Variants in TSPOAP1 observed in about 807,000 individuals in gnomAD.
TSPOAP1 encodes TSPO associated protein 1.
In TSPOAP1, 87 loss-of-function variants were observed where a neutral mutation model predicts 197.0. The ratio of observed to expected loss-of-function variants is 0.44; its 90% CI spans 0.37 to 0.53. The LOEUF is 0.53. Ranked by LOEUF, TSPOAP1 falls within the 20% of genes least tolerant of loss-of-function variation. The pLI, the probability that TSPOAP1 is intolerant of heterozygous loss-of-function variation, is 0.00. For missense variants in TSPOAP1, 2,174 were observed against 2,411.3 expected (o/e 0.90, Z 2.06); for synonymous variants, 913 against 998.9 (o/e 0.91, Z 1.62).
chr17:58,306,697 G>A, intron 25 of TSPOAP1, 103 bp downstream of exon 25: 2 of 1,403,536 alleles, frequency 1.4e-6, no homozygotes, highest in African/African-American at 1.4e-5. Context: ...CTCTGCTAGA[G>A]TCTGGGTAAG....
chr17:58,321,410 G>T (rs1282609218), intron 10 of TSPOAP1, among the ~76,000 whole-genome samples: 1 of 151,322 alleles, frequency 6.6e-6, no homozygotes, highest in Non-Finnish European at 1.5e-5. Flanking sequence ...CAATTCTCCT[G>T]CCTCAGCCTC....
In TSPOAP1 at chr17:58,311,616, G is replaced by A. The variant is rs200945461; in HGVS notation, c.3036C>T (p.Asn1012=). The change falls in exon 18 of 32, where the codon AAC becomes AAT. Residue 1012 remains asparagine, a synonymous_variant. Transcript: ENST00000343736. ...TGGCATAGCCTGTGACCCGGACACC[G>A]TTGGATGTGCCAGCAGCATCGATGG... is the stretch of plus-strand genomic sequence containing the variant. ...PVTIDAAGTS[N]GVRVTGYAIY... 4.1e-5 allele frequency: 66 copies of A among 1,609,494 alleles called. No homozygotes were observed. The highest frequency in any genetic ancestry group is 2.8e-4 in the Admixed American group (17 of 59,710).
Position 58,326,153 on chromosome 17 carries a change from C to T in TSPOAP1, c.570+140G>A. 1 of 1,383,252 alleles carries T rather than the reference C, an allele frequency of 7.2e-7. No homozygotes were observed. Among genetic ancestry groups the T allele is most frequent in the African/African-American group, 1.4e-5 (1 of 69,018 alleles). 85.7% of individuals were successfully genotyped at this position (1,383,252 alleles called of 1,614,324 possible). ...GCCTGGCCAGCCTCTGCCCTTCCTGCACCTTAGCCCCTAGATTCTTGCTTT... is the reference window on the plus strand; with the variant it reads ...GCCTGGCCAGCCTCTGCCCTTCCTGTACCTTAGCCCCTAGATTCTTGCTTT... On this transcript the variant is annotated intron_variant, in intron 3 of 31. Transcript: ENST00000343736. The surrounding 1 kb of genome is among the most constrained non-coding windows in gnomAD (Gnocchi z 4.7).
chr17:58,318,215 G>A (rs1235125527), intron 14 of TSPOAP1, 65 bp downstream of exon 14: 2 of 1,573,228 alleles, frequency 1.3e-6, no homozygotes, highest in African/African-American at 2.7e-5. Context: ...AAGAGGTCAG[G>A]GCCACCTGCC....
rs752668647 is a variant in TSPOAP1 at position 58,326,435 on chromosome 17, A to G, written c.442-14T>C. 2 of 1,613,016 alleles carry G rather than the reference A, an allele frequency of 1.2e-6. No homozygotes were observed. The highest frequency in any genetic ancestry group is 8.5e-7 in the Non-Finnish European group (1 of 1,179,876). On this transcript the variant is annotated splice_polypyrimidine_tract_variant and intron_variant, in intron 2 of 31. Transcript: ENST00000343736. This position sits in a 1 kb window ranked among gnomAD's most constrained non-coding sequence, Gnocchi z 4.7. ...GCTGCTCTTCCTCTGACAAGGGGTC[A>G]GGCAGAATTGGGGCATGTAGGGAGC...
rs538012134 is a variant in TSPOAP1 at position 58,327,445 on chromosome 17, G to A, written c.333+143C>T. ...CTGCTCGATGAAGAGAGGACAGATA[G>A]CCACAGAGATGGACCCACAGACAGG... On this transcript the variant is annotated intron_variant, in intron 1 of 31. Coordinates refer to ENST00000343736, the MANE Select transcript of TSPOAP1 (RefSeq NM_004758.4). 5 of 744,824 alleles carry A rather than the reference G, an allele frequency of 6.7e-6. No individual in the cohort carries two copies. In the African/African-American group the frequency reaches 7.1e-5, roughly 11 times the overall value. The allele number at this position is 744,824 out of a possible 1,614,324, so 46.1% of individuals were successfully genotyped here.
In TSPOAP1 at chr17:58,325,720, A is replaced by G. The variant is rs2143152243; in HGVS notation, c.571-7T>C. On this transcript the variant is annotated splice_polypyrimidine_tract_variant and splice_region_variant and intron_variant, in intron 3 of 31. Coordinates refer to ENST00000343736, the MANE Select transcript of TSPOAP1 (RefSeq NM_004758.4). ...GGGGCAAGGGGGCACTCACCTAGCC[A>G]GAGGAGGGGTAAGGCCAATGGTCAC... The G allele has an allele frequency of 6.3e-7, 1 of 1,599,984 alleles. No homozygotes were observed. The highest frequency in any genetic ancestry group is 2.2e-5 in the East Asian group (1 of 44,720).
Position 58,327,929 on chromosome 17 carries a change from C to A in TSPOAP1, c.-9G>T. 6.3e-7 allele frequency: 1 copy of A among 1,581,858 alleles called. No individual in the cohort carries two copies. Among genetic ancestry groups the A allele is most frequent in the South Asian group, 1.1e-5 (1 of 89,090 alleles). Reference sequence around the variant, plus strand: ...GTTGTCAGTTGCTCCATGGTACTGCCAAGGGGCCCCAGAACCCGGGCCGGG... The same window carrying A: ...GTTGTCAGTTGCTCCATGGTACTGCAAAGGGGCCCCAGAACCCGGGCCGGG... On this transcript the variant is annotated 5_prime_UTR_variant, in exon 1 of 32. Coordinates refer to ENST00000343736, the MANE Select transcript of TSPOAP1 (RefSeq NM_004758.4).
Position 58,304,354 on chromosome 17 carries a change from A to G in TSPOAP1, c.*16T>C, listed in dbSNP as rs749734153. On this transcript the variant is annotated 3_prime_UTR_variant, in exon 31 of 32. Coordinates refer to ENST00000343736, the MANE Select transcript of TSPOAP1 (RefSeq NM_004758.4). This position sits in a 1 kb window ranked among gnomAD's most constrained non-coding sequence, Gnocchi z 4.2. ...CCCACTTACATGTTGCTCTCTCTACATATATCTATCTCCATCTAGCACTGG... is the reference window on the plus strand; with the variant it reads ...CCCACTTACATGTTGCTCTCTCTACGTATATCTATCTCCATCTAGCACTGG... 2.5e-6 allele frequency: 4 copies of G among 1,613,826 alleles called. No individual in the cohort carries two copies. Among genetic ancestry groups the G allele is most frequent in the Middle Eastern group, 1.7e-4 (1 of 6,058 alleles).
chr17:58,307,494 G>A, intron 24 of TSPOAP1, 117 bp downstream of exon 24: 2 of 1,359,794 alleles, frequency 1.5e-6, no homozygotes, highest in Non-Finnish European at 2.0e-6. Context: ...CATGTCATCT[G>A]CTCTAGAAGC....
At chr17:58,305,673 C>T in intron 27 of TSPOAP1, 30 bp from the exon 28 acceptor site, 1 of 1,376,318 alleles carries the variant, frequency 7.3e-7, no homozygotes, top group Non-Finnish European at 1.0e-6. Flanking sequence ...AGACTCTGGA[C>T]TCTCTGGAGA....
At position 58,309,064 on chromosome 17, in the gene TSPOAP1, C is replaced by T; in HGVS notation, c.4208G>A (p.Ser1403Asn). The change falls in exon 22 of 32, where the codon AGC (serine) becomes AAC (asparagine). Residue 1403 changes from serine to asparagine, a missense_variant. By Grantham distance (46) the Ser-to-Asn change is conservative (BLOSUM62 1). Around this residue, in one of 5 missense-constraint regions of TSPOAP1, gnomAD observed 1,933 missense variants for 2,139.0 expected, o/e 0.90. Transcript: ENST00000343736. The surrounding 1 kb of genome is among the most constrained non-coding windows in gnomAD (Gnocchi z 5.0). Reference protein sequence around the residue: ...LEDMPGLVGGSSRRRGGGSPE... With the variant: ...LEDMPGLVGGNSRRRGGGSPE... ...GGAGCCCCCTCCTCTCCTCCGGCTG[C>T]TTCCACCAACTAATCCAGGCATGTC... The T allele has an allele frequency of 1.2e-6, 2 of 1,612,932 alleles. No individual in the cohort carries two copies. The highest frequency in any genetic ancestry group is 1.7e-6 in the Non-Finnish European group (2 of 1,180,036).
At chr17:58,327,480 G>GACA in intron 1 of TSPOAP1, 108 bp downstream of exon 1, 1 of 1,116,722 alleles carries the variant, frequency 9.0e-7, no homozygotes, top group East Asian at 2.4e-5. Context: ...GCCAAGAGAG[G>GACA]ACAGGTGGGC....
At chr17:58,306,562 AC>A in intron 25 of TSPOAP1, 149 bp from the exon 26 acceptor site, 1 of 937,940 alleles carries the variant, frequency 1.1e-6, no homozygotes, top group Non-Finnish European at 1.6e-6. Context: ...GCCCCACCCA[AC>A]CTCCAGGACC....
In TSPOAP1 at chr17:58,312,145, C is replaced by T. The variant is rs1299841036; in HGVS notation, c.2676G>A (p.Arg892=). ...TGATCTCAGCAGATGTGGCTGTCAA[C>T]CGATGGACCCGCAGCTGGCTGGGCA... ...GVVPSQLRVH[R]LTATSAEITW... The change falls in exon 17 of 32, where the codon CGG becomes CGA. Residue 892 remains arginine (R), a synonymous_variant. Coordinates refer to ENST00000343736, the MANE Select transcript of TSPOAP1 (RefSeq NM_004758.4). 3.1e-6 allele frequency: 5 copies of T among 1,613,220 alleles called. No individual in the cohort carries two copies. The East Asian group carries it at 1.1e-4, about 36-fold the overall frequency.
In TSPOAP1 at chr17:58,326,877, G is replaced by A; in HGVS notation, c.334-87C>T. ...CCCTGTGGAAGCATCCACCATCCAT[G>A]GTCCAAGGAGACATGGAGATGAAAC... On this transcript the variant is annotated intron_variant, in intron 1 of 31. Transcript: ENST00000343736. The surrounding 1 kb of genome is among the most constrained non-coding windows in gnomAD (Gnocchi z 4.7). The A allele has an allele frequency of 9.0e-7, 1 of 1,114,734 alleles. No individual in the cohort carries two copies. 69.1% of individuals were successfully genotyped at this position (1,114,734 alleles called of 1,614,324 possible).
At position 58,320,419 on chromosome 17, in the gene TSPOAP1, G is replaced by A. The variant is rs1445047420; in HGVS notation, c.1473+112C>T. 8.8e-6 allele frequency: 11 copies of A among 1,255,256 alleles called. No homozygotes were observed. In the Admixed American group the frequency reaches 2.0e-4, roughly 23 times the overall value. 77.8% of individuals were successfully genotyped at this position (1,255,256 alleles called of 1,614,324 possible). ...CCCCCAGGTCCTGGAGCATTTAAGG[G>A]CCCCTCCTGCAACCCCTCTCCCCAC... On this transcript the variant is annotated intron_variant, in intron 11 of 31. Transcript: ENST00000343736.
chr17:58,317,051 C>T (rs1971259861), intron 14 of TSPOAP1, among the ~76,000 whole-genome samples: 1 of 152,116 alleles, frequency 6.6e-6, no homozygotes, highest in Admixed American at 6.5e-5. Context: ...CAAAAATTAG[C>T]TGGGTGTGGT....
Position 58,322,352 on chromosome 17 carries a change from G to T in TSPOAP1, c.1378C>A (p.Leu460Ile). The change falls in exon 10 of 32, where the codon CTC (leucine) becomes ATC (isoleucine). Residue 460 changes from leucine (L) to isoleucine (I), a missense_variant. By Grantham distance (5) the Leu-to-Ile change is conservative. Coordinates refer to ENST00000343736, the MANE Select transcript of TSPOAP1 (RefSeq NM_004758.4). This position sits in a 1 kb window ranked among gnomAD's most constrained non-coding sequence, Gnocchi z 5.0. The stretch of plus-strand genomic sequence containing the variant: ...TCCTCCTGCTTCTCCCGTAGGCTGA[G>T]CCGAGCCTGTTCATGCTCCACCTCC... ...QLEVEHEQAR[L>I]SLREKQEEVR... The T allele has an allele frequency of 6.2e-7, 1 of 1,605,502 alleles. No individual in the cohort carries two copies.
Sources: gnomAD v4.1 joint callset for allele counts (sites outside exome capture counted in the v4.1 genomes callset) on GRCh38, gnomAD v4.1.1 for gene constraint, gnomAD v4.1.1 regional missense constraint, Gnocchi (gnomAD v3.1) non-coding constraint, MANE v1.5 for transcripts, NCBI Gene and HGNC (gene_info 2026-07-23, HGNC 2026-07-21) for gene names.